The following UGDH variants were observed in gnomAD, a reference collection of about 807,000 sequenced individuals.
The protein encoded by UGDH is UDP-Glc dehydrogenase.
In UGDH, 38 loss-of-function variants were observed where a neutral mutation model predicts 50.6. The observed-to-expected ratio is 0.75, with a 90% CI of 0.58 to 0.98. The LOEUF (loss-of-function observed/expected upper bound fraction) is 0.98, where lower values mean the gene tolerates loss of function less well. UGDH is among the 50% of genes least tolerant of loss of function. UGDH has a pLI of 0.00. For synonymous variants in UGDH, 168 were observed against 199.9 expected (o/e 0.84, Z 1.35); for missense variants, 465 against 606.2 (o/e 0.77, Z 2.45).
intron 7 of UGDH, among the ~76,000 whole-genome samples, chr4:39,506,501 A>G (rs1490045813): frequency 6.6e-6 from 1 of 152,160 alleles, no homozygotes; most frequent in African/African-American, 2.4e-5. Context: ...CTATTCACAA[A>G]AATTCAGTTT....
intron 2 of UGDH, among the ~76,000 whole-genome samples, chr4:39,520,994 C>G (rs151012727): frequency 4.9e-4 from 73 of 149,324 alleles, no homozygotes; most frequent in African/African-American, 1.8e-3. Context: ...TGTTTGAACC[C>G]GTGAGGTGGG....
chr4:39,513,404 G>T (rs1317087510), intron 3 of UGDH, among the ~76,000 whole-genome samples: 1 of 151,958 alleles, frequency 6.6e-6, no homozygotes, highest in East Asian at 1.9e-4. Flanking sequence ...GAGAGGAGAT[G>T]CCTGTAAGTT....
At chr4:39,503,635 C>T (rs1472268154) in intron 11 of UGDH, among the ~76,000 whole-genome samples, 1 of 152,220 alleles carries the variant, frequency 6.6e-6, no homozygotes, top group African/African-American at 2.4e-5. Context: ...CTAAAACCCA[C>T]ACAATGGGTT....
chr4:39,524,272 C>T (rs1746787995), intron 1 of UGDH, among the ~76,000 whole-genome samples: 1 of 152,130 alleles, frequency 6.6e-6, no homozygotes, highest in Non-Finnish European at 1.5e-5. Context: ...AGCTCCTGGG[C>T]TTAAGGAGTT....
chr4:39,515,271 T>C (rs770272848), intron 2 of UGDH, among the ~76,000 whole-genome samples: 1 of 152,226 alleles, frequency 6.6e-6, no homozygotes, highest in Admixed American at 6.5e-5. Flanking sequence ...CCATTAACTA[T>C]GAGTATCAAC....
chr4:39,507,555 C>T (rs1746075257), intron 7 of UGDH, among the ~76,000 whole-genome samples: 1 of 152,172 alleles, frequency 6.6e-6, no homozygotes, highest in Admixed American at 6.6e-5. Flanking sequence ...CTGTCCACCT[C>T]AGGCTCCCGA....
At position 39,508,778 on chromosome 4, in the gene UGDH, T is replaced by C. The variant is rs184305099; in HGVS notation, c.812-118A>G. 1.7e-4 allele frequency: 138 copies of C among 828,716 alleles called. 1 individual carries two copies. In the Middle Eastern group the frequency reaches 2.9e-3, roughly 17 times the overall value. The allele number at this position is 828,716 out of a possible 1,614,324, so 51.3% of individuals were successfully genotyped here. On this transcript the variant is annotated intron_variant, in intron 6 of 11. Coordinates refer to ENST00000316423, the MANE Select transcript of UGDH (RefSeq NM_003359.4). Reference sequence around the variant, plus strand: ...TACTAAGATTTTTTAATAATAAAATTCAGATGGATAAATAATGGGCTTATA... The same window carrying C: ...TACTAAGATTTTTTAATAATAAAATCCAGATGGATAAATAATGGGCTTATA...
chr4:39,525,819 A>G (rs141327776), intron 1 of UGDH, among the ~76,000 whole-genome samples: 333 of 152,190 alleles, frequency 2.2e-3, no homozygotes, highest in African/African-American at 7.5e-3. Flanking sequence ...CCCATTTTCT[A>G]TTTCTACTTT....
intron 2 of UGDH, among the ~76,000 whole-genome samples, chr4:39,520,875 A>G (rs948822224): frequency 5.9e-5 from 9 of 151,800 alleles, no homozygotes; most frequent in African/African-American, 2.2e-4. Context: ...GGAGCTCAAG[A>G]CCAGCCTGGC....
rs6815780 is a variant in UGDH at position 39,508,555 on chromosome 4, G to T, written c.906+11C>A. On this transcript the variant is annotated intron_variant, in intron 7 of 11. Transcript: ENST00000316423. Reference sequence around the variant, plus strand: ...GGCTAAACAGAAATTATTACCTATAGAGATTAATACCTGCTGCCAATAACG... The same window carrying T: ...GGCTAAACAGAAATTATTACCTATATAGATTAATACCTGCTGCCAATAACG... 6.2e-7 allele frequency: 1 copy of T among 1,608,772 alleles called. No individual in the cohort carries two copies. Among genetic ancestry groups the T allele is most frequent in the Admixed American group, 1.7e-5 (1 of 59,438 alleles).
Position 39,506,233 on chromosome 4 carries a change from T to TA in UGDH, c.907-486dup, listed in dbSNP as rs373456890. On this transcript the variant is annotated intron_variant, in intron 7 of 11. Transcript: ENST00000316423. ...ACAGAGCCAGACCCTGCCGTAAATT[T>TA]AAAAAAAAAAAAAAAGCCATTCTAA... Among the ~76,000 whole-genome samples the TA allele has an allele frequency of 3.3e-3, 430 of 131,102 alleles. 7 individuals are homozygous for TA. The highest frequency in any genetic ancestry group is 7.3e-3 in the Admixed American group (89 of 12,182). 86.0% of individuals were successfully genotyped at this position (131,102 alleles called of 152,430 possible). A position where few individuals can be genotyped will look rare whatever the true frequency, so the allele number is the denominator to read the frequency against.
intron 3 of UGDH, among the ~76,000 whole-genome samples, chr4:39,511,560 GCCT>G (rs1746247704): frequency 1.3e-5 from 2 of 151,938 alleles, no homozygotes; most frequent in Non-Finnish European, 2.9e-5. Context: ...ACCGCACCTG[GCCT>G]CCTTTCTTAT....
intron 11 of UGDH, among the ~76,000 whole-genome samples, chr4:39,500,653 CTTT>C (rs11284301): frequency 0.11 from 15,535 of 135,166 alleles, 1,277 homozygotes; most frequent in African/African-American, 0.25. Context: ...GCATAATTCT[CTTT>C]TTTTTTTTTT....
At chr4:39,525,045 T>C (rs1746819477) in intron 1 of UGDH, among the ~76,000 whole-genome samples, 1 of 152,218 alleles carries the variant, frequency 6.6e-6, no homozygotes, top group South Asian at 2.1e-4. Context: ...AATGGGAGAA[T>C]CAATGAAAAG....
At chr4:39,522,552 T>C (rs2109947846) in intron 1 of UGDH, among the ~76,000 whole-genome samples, 1 of 152,312 alleles carries the variant, frequency 6.6e-6, no homozygotes, top group Middle Eastern at 3.4e-3. Flanking sequence ...ATTAAGATTA[T>C]CCAATTCTTT....
In UGDH at chr4:39,501,212, C is replaced by T. The variant is rs191145582; in HGVS notation, c.1375-959G>A. Among the ~76,000 whole-genome samples, 598 of 151,008 alleles carry T rather than the reference C, an allele frequency of 4.0e-3. 7 individuals are homozygous for T. In the Middle Eastern group the frequency reaches 0.068, roughly 17 times the overall value. On this transcript the variant is annotated intron_variant, in intron 11 of 11. Transcript: ENST00000316423. ...CGAACTCCTGACTTCGTGATCCATC[C>T]GCCTTGGCCTCCCAAAGTGCTGGTA...
At chr4:39,521,181 A>G (rs1053235421) in intron 2 of UGDH, among the ~76,000 whole-genome samples, 170 bp downstream of exon 2, 4 of 151,844 alleles carry the variant, frequency 2.6e-5, no homozygotes, top group Non-Finnish European at 4.4e-5. Flanking sequence ...TCCTACCCAC[A>G]TTACCCGAAG....
At chr4:39,502,354 T>C (rs1465348805) in intron 11 of UGDH, among the ~76,000 whole-genome samples, 1 of 152,164 alleles carries the variant, frequency 6.6e-6, no homozygotes, top group Non-Finnish European at 1.5e-5. Context: ...GAATGAGAAA[T>C]GGGCACTGAA....
chr4:39,514,242 C>G (rs1746360367), intron 2 of UGDH, 58 bp from the exon 3 acceptor site: 1 of 1,268,274 alleles, frequency 7.9e-7, no homozygotes, highest in Admixed American at 2.3e-5. Context: ...ATGAGATAAC[C>G]TAATAGTATA....
Sources: allele counts gnomAD v4.1 joint callset (sites outside exome capture counted in the v4.1 genomes callset), GRCh38; gene constraint gnomAD v4.1.1; transcripts MANE v1.5; gene names NCBI Gene and HGNC (gene_info 2026-07-23, HGNC 2026-07-21).